RANBP2: variants seen among roughly 807,000 people sequenced by gnomAD.
The protein encoded by RANBP2 is RAN binding protein 2, also known as E3 SUMO-protein ligase RanBP2.
Under a neutral mutation model 303.6 loss-of-function variants are expected in RANBP2, and 57 were observed. The observed-to-expected ratio is 0.19, with a 90% CI of 0.15 to 0.23. The LOEUF (loss-of-function observed/expected upper bound fraction) is 0.23. Ranked by LOEUF, RANBP2 falls within the 10% of genes least tolerant of loss-of-function variation. RANBP2 has a pLI of 1.00. For synonymous variants in RANBP2, 1,167 were observed against 1,301.5 expected (o/e 0.90, Z 2.23); for missense variants, 3,138 against 3,780.8 (o/e 0.83, Z 4.46).
chr2:109,635,546 G>A, the RANBP2 span, among the ~76,000 whole-genome samples: 2 of 152,200 alleles, frequency 1.3e-5, no homozygotes, highest in African/African-American at 4.8e-5. Flanking sequence ...ACTGGAGTGA[G>A]TGGCAGATCC....
At chr2:109,389,493 G>A in the RANBP2 span, among the ~76,000 whole-genome samples, 1 of 152,132 alleles carries the variant, frequency 6.6e-6, no homozygotes, top group Non-Finnish European at 1.5e-5. Context: ...ATGGACGCAT[G>A]CCAATATTTA....
chr2:108,805,889 A>G, the RANBP2 span, among the ~76,000 whole-genome samples: 24 of 152,276 alleles, frequency 1.6e-4, no homozygotes, highest in Admixed American at 6.5e-4. Flanking sequence ...ATGATTATGT[A>G]TATATTAGAT....
the RANBP2 span, among the ~76,000 whole-genome samples, chr2:109,601,562 G>T: frequency 6.6e-6 from 1 of 152,158 alleles, no homozygotes; most frequent in South Asian, 2.1e-4. Flanking sequence ...TTTCCCACTT[G>T]CCTATCAGGG....
intron 6 of RANBP2, among the ~76,000 whole-genome samples, chr2:108,739,642 G>A (rs562925885): frequency 5.8e-4 from 88 of 152,238 alleles, no homozygotes; most frequent in African/African-American, 2.0e-3. Flanking sequence ...CTTCCAAAGT[G>A]AGGATTTGGA....
the RANBP2 span, among the ~76,000 whole-genome samples, chr2:109,014,712 G>C: frequency 1.3e-4 from 20 of 152,220 alleles, no homozygotes; most frequent in African/African-American, 4.8e-4. Context: ...GGATGCACGT[G>C]TGAGAGGCGT....
the RANBP2 span, among the ~76,000 whole-genome samples, chr2:109,225,084 GACCA>G: frequency 6.6e-6 from 1 of 152,226 alleles, no homozygotes; most frequent in East Asian, 1.9e-4. Flanking sequence ...TTTTCGTTTA[GACCA>G]ACCAACTAAG....
At chr2:109,398,532 C>A in the RANBP2 span, 1 of 1,421,920 alleles carries the variant, frequency 7.0e-7, no homozygotes, top group Non-Finnish European at 9.5e-7. Flanking sequence ...GTGCAGAGGG[C>A]TGGTGTGGCA....
At chr2:108,782,916 T>G in intron 28 of RANBP2, 54 bp downstream of exon 28, 1 of 1,458,594 alleles carries the variant, frequency 6.9e-7, no homozygotes, top group Non-Finnish European at 9.5e-7. Context: ...TGCACCACAC[T>G]AATGGGAAAT....
Position 108,731,908 on chromosome 2 carries a change from A to G in RANBP2, c.405+434A>G, listed in dbSNP as rs567819564. The G allele has an allele frequency of 7.3e-5, 14 of 191,574 alleles. No individual in the cohort carries two copies. In the East Asian group the frequency reaches 2.1e-3, roughly 28 times the overall value. The allele number at this position is 191,574 out of a possible 1,614,324, so 11.9% of individuals were successfully genotyped here. The stretch of plus-strand genomic sequence containing the variant: ...AGATAGTAAGGTTTTCAAGCAAAAG[A>G]CAAAAGGTGGTTTCTCTAGTATATA... On this transcript the variant is annotated intron_variant, in intron 4 of 28. Coordinates refer to ENST00000283195, the MANE Select transcript of RANBP2 (RefSeq NM_006267.5).
chr2:109,396,033 G>A, the RANBP2 span, among the ~76,000 whole-genome samples: 5 of 152,202 alleles, frequency 3.3e-5, no homozygotes, highest in East Asian at 1.9e-4. Flanking sequence ...CCAAGTGCAG[G>A]CGCGTGGCAG....
the RANBP2 span, among the ~76,000 whole-genome samples, chr2:109,384,694 C>G: frequency 2.6e-5 from 4 of 152,150 alleles, no homozygotes; most frequent in Admixed American, 2.6e-4. Context: ...TAAGCCCACC[C>G]CCGCTTTGCT....
chr2:109,338,579 A>G, the RANBP2 span, among the ~76,000 whole-genome samples: 1 of 152,070 alleles, frequency 6.6e-6, no homozygotes, highest in African/African-American at 2.4e-5. Context: ...ATTTTTTGAG[A>G]CAGAACCTCA....
chr2:109,430,572 C>T, the RANBP2 span, among the ~76,000 whole-genome samples: 7 of 152,100 alleles, frequency 4.6e-5, no homozygotes, highest in Non-Finnish European at 8.8e-5. Context: ...CACCTCTCCC[C>T]GTTCTCCTCT....
chr2:109,093,623 A>ATT, the RANBP2 span, among the ~76,000 whole-genome samples: 7 of 151,242 alleles, frequency 4.6e-5, no homozygotes, highest in African/African-American at 7.3e-5. Context: ...ATTTAAAAAG[A>ATT]TTTTTTTTTA....
chr2:108,759,973 G>A (rs1360300793), intron 18 of RANBP2, among the ~76,000 whole-genome samples: 1 of 152,166 alleles, frequency 6.6e-6, no homozygotes, highest in East Asian at 1.9e-4. Context: ...TTACAATTGA[G>A]AAACATGGAG....
chr2:109,040,380 T>C, the RANBP2 span, among the ~76,000 whole-genome samples: 8 of 152,222 alleles, frequency 5.3e-5, no homozygotes, highest in African/African-American at 1.7e-4. Context: ...TGATATCCAA[T>C]AGAATAAACT....
chr2:109,520,025 G>A, the RANBP2 span, among the ~76,000 whole-genome samples: 4 of 152,214 alleles, frequency 2.6e-5, no homozygotes, highest in Admixed American at 6.5e-5. Flanking sequence ...AATAAATACC[G>A]GTGTGCACGC....
the RANBP2 span, among the ~76,000 whole-genome samples, chr2:109,248,077 A>G: frequency 1.3e-5 from 2 of 152,232 alleles, no homozygotes; most frequent in Non-Finnish European, 2.9e-5. Flanking sequence ...GGGAACATGA[A>G]TCAATTGGAG....
chr2:108,764,634 T>C lies in RANBP2; in HGVS notation c.4095T>C (p.Asn1365=). The stretch of plus-strand genomic sequence containing the variant: ...ATTGTAACAGCTGCTCATTAAAGAA[T>C]GCTTCAACTGCTAAGAAATGTGTAT... The part of the protein sequence containing the change: ...WWHCNSCSLK[N]ASTAKKCVSC... Residue 1365 remains asparagine (N), a synonymous_variant, in exon 20 of 29, where the codon AAT becomes AAC. Coordinates refer to ENST00000283195, the MANE Select transcript of RANBP2 (RefSeq NM_006267.5). 1.9e-6 allele frequency: 3 copies of C among 1,614,044 alleles called. No homozygotes were observed. Among genetic ancestry groups the C allele is most frequent in the Non-Finnish European group, 2.5e-6 (3 of 1,179,966 alleles).
Sources: allele counts gnomAD v4.1 joint callset (sites outside exome capture counted in the v4.1 genomes callset), GRCh38; gene constraint gnomAD v4.1.1; transcripts MANE v1.5; gene names NCBI Gene and HGNC (gene_info 2026-07-23, HGNC 2026-07-21).